Variants in LYPLAL1 observed in about 807,000 individuals in gnomAD.
LYPLAL1 encodes lysophospholipase like 1.
A neutral mutation model predicts 19.7 loss-of-function variants in LYPLAL1; 23 were observed. That is an observed-to-expected ratio of 1.17 (90% confidence interval 0.84 to 1.65). The LOEUF is 1.65. Ranked by LOEUF, LYPLAL1 falls within the 40% of genes most tolerant of loss-of-function variation. The pLI, the probability that LYPLAL1 is intolerant of heterozygous loss-of-function variation, is 0.00. For synonymous variants in LYPLAL1, 119 were observed against 96.3 expected (o/e 1.24, Z -1.38); for missense variants, 355 against 279.4 (o/e 1.27, Z -1.93).
the LYPLAL1 span, among the ~76,000 whole-genome samples, chr1:219,433,380 T>A: frequency 6.6e-6 from 1 of 152,186 alleles, no homozygotes; most frequent in Non-Finnish European, 1.5e-5. Context: ...TACTAAACTG[T>A]ACACTCCTTA....
chr1:219,305,353 A>G, the LYPLAL1 span, among the ~76,000 whole-genome samples: 2 of 152,142 alleles, frequency 1.3e-5, no homozygotes, highest in Non-Finnish European at 2.9e-5. Context: ...TAGGAAGCAT[A>G]TAAGGTGCTG....
At chr1:219,215,039 T>C (rs1659237027), downstream of LYPLAL1, among the ~76,000 whole-genome samples, 1 of 152,136 alleles carries the variant, frequency 6.6e-6, no homozygotes, top group Non-Finnish European at 1.5e-5. Flanking sequence ...AAATCTTACC[T>C]ATCTACCCAT....
chr1:219,369,739 T>C, the LYPLAL1 span, among the ~76,000 whole-genome samples: 1 of 152,334 alleles, frequency 6.6e-6, no homozygotes, highest in Non-Finnish European at 1.5e-5. Flanking sequence ...CCTTGCTAGA[T>C]GCTAGGGATA....
the LYPLAL1 span, among the ~76,000 whole-genome samples, chr1:219,303,895 T>A: frequency 1.3e-5 from 2 of 152,160 alleles, no homozygotes; most frequent in African/African-American, 2.4e-5. Context: ...CAAAACAAGT[T>A]TCCAACCTAG....
At chr1:219,321,010 CA>C in the LYPLAL1 span, among the ~76,000 whole-genome samples, 2 of 152,182 alleles carry the variant, frequency 1.3e-5, no homozygotes, top group Non-Finnish European at 2.9e-5. Flanking sequence ...CATGAAGAAT[CA>C]CCACACTGTC....
the LYPLAL1 span, among the ~76,000 whole-genome samples, chr1:219,264,510 C>T: frequency 1.3e-5 from 2 of 152,172 alleles, no homozygotes; most frequent in African/African-American, 2.4e-5. Context: ...AGACTTCATC[C>T]TCTCATGATG....
At chr1:219,327,579 A>G in the LYPLAL1 span, among the ~76,000 whole-genome samples, 4 of 151,832 alleles carry the variant, frequency 2.6e-5, no homozygotes, top group Non-Finnish European at 5.9e-5. Context: ...CAAATGGACC[A>G]AACAAAGAAA....
At chr1:219,380,173 G>C in the LYPLAL1 span, among the ~76,000 whole-genome samples, 1 of 152,190 alleles carries the variant, frequency 6.6e-6, no homozygotes, top group Non-Finnish European at 1.5e-5. Context: ...GTGTCAGTTG[G>C]GGTCTTGTGA....
the LYPLAL1 span, among the ~76,000 whole-genome samples, chr1:219,301,978 T>C: frequency 6.6e-6 from 1 of 151,758 alleles, no homozygotes; most frequent in African/African-American, 2.4e-5. Flanking sequence ...AAAGACAGAA[T>C]GAAAAAGAGA....
chr1:219,305,941 A>G, the LYPLAL1 span, among the ~76,000 whole-genome samples: 3 of 152,192 alleles, frequency 2.0e-5, no homozygotes, highest in Non-Finnish European at 2.9e-5. Context: ...TGTTGACAGT[A>G]TTCTCCCATT....
the LYPLAL1 span, among the ~76,000 whole-genome samples, chr1:219,277,203 A>G: frequency 1.3e-5 from 2 of 152,126 alleles, no homozygotes; most frequent in Non-Finnish European, 1.5e-5. Flanking sequence ...GTAATCCCCA[A>G]TTGGAGCAAT....
the LYPLAL1 span, among the ~76,000 whole-genome samples, chr1:219,342,309 A>G: frequency 6.6e-6 from 1 of 152,140 alleles, no homozygotes; most frequent in African/African-American, 2.4e-5. Context: ...AGATAGAGAT[A>G]GTAAATCCTC....
the LYPLAL1 span, among the ~76,000 whole-genome samples, chr1:219,246,625 T>TG: frequency 1.3e-5 from 2 of 152,212 alleles, no homozygotes; most frequent in African/African-American, 4.8e-5. Context: ...CTCACCCTGT[T>TG]GCCCAGGCTC....
chr1:219,275,394 G>T, the LYPLAL1 span, among the ~76,000 whole-genome samples: 1 of 152,134 alleles, frequency 6.6e-6, no homozygotes, highest in African/African-American at 2.4e-5. Flanking sequence ...ATCTTGTATG[G>T]TGTAGACATG....
intron 2 of LYPLAL1, 23 bp from the exon 3 acceptor site, chr1:219,193,059 G>T (rs759638537): frequency 6.8e-6 from 9 of 1,328,350 alleles, no homozygotes; most frequent in Admixed American, 6.1e-5. Context: ...CTTTTTTTTT[G>T]GGGGGGGGCG....
chr1:219,312,255 C>A, the LYPLAL1 span, among the ~76,000 whole-genome samples: 1 of 152,094 alleles, frequency 6.6e-6, no homozygotes, highest in Non-Finnish European at 1.5e-5. Flanking sequence ...GGGTCAGGGG[C>A]TGTAGAGGAA....
At chr1:219,274,884 G>T in the LYPLAL1 span, among the ~76,000 whole-genome samples, 1 of 152,096 alleles carries the variant, frequency 6.6e-6, no homozygotes, top group Non-Finnish European at 1.5e-5. Context: ...TTTGAGAAGT[G>T]ATTTTACTAC....
At chr1:219,194,155 T>G (rs1303081852) in intron 3 of LYPLAL1, among the ~76,000 whole-genome samples, 1 of 151,930 alleles carries the variant, frequency 6.6e-6, no homozygotes, top group Non-Finnish European at 1.5e-5. Context: ...GAAAGCAGCG[T>G]GGCCTCTAGC....
intron 3 of LYPLAL1, among the ~76,000 whole-genome samples, chr1:219,207,261 TAATTTTG>T: frequency 6.6e-6 from 1 of 152,098 alleles, no homozygotes; most frequent in East Asian, 1.9e-4. Flanking sequence ...CCATTTTACT[TAATTTTG>T]AATTATTTGC....
Sources: gnomAD v4.1 joint callset for allele counts (sites outside exome capture counted in the v4.1 genomes callset) on GRCh38, gnomAD v4.1.1 for gene constraint, MANE v1.5 for transcripts, NCBI Gene and HGNC (gene_info 2026-07-23, HGNC 2026-07-21) for gene names.